Variants in INTS11 observed in about 807,000 individuals in gnomAD.
INTS11 encodes integrator complex subunit 11, also known as CPSF3-like protein.
INTS11 carries 77 observed loss-of-function variants against 78.6 expected under a neutral mutation model. The observed-to-expected ratio is 0.98, with a 90% CI of 0.81 to 1.18. INTS11 has a LOEUF of 1.18. Ranked by LOEUF, INTS11 falls within the 50% of genes most tolerant of loss-of-function variation. The pLI, the probability that INTS11 is intolerant of heterozygous loss-of-function variation, is 0.00. For synonymous variants in INTS11, 441 were observed against 326.9 expected (o/e 1.35, Z -3.77); for missense variants, 875 against 825.9 (o/e 1.06, Z -0.73).
At chr1:1,321,974 C>T (rs1189079152) in intron 1 of INTS11, 3 of 1,380,604 alleles carry the variant, frequency 2.2e-6, no homozygotes, top group Non-Finnish European at 2.8e-6. Context: ...GGGCCACAGC[C>T]GAGGGGCTGC....
chr1:1,313,212 G>T, intron 10 of INTS11, 88 bp from the exon 11 acceptor site: 1 of 1,446,174 alleles, frequency 6.9e-7, no homozygotes, highest in Non-Finnish European at 9.4e-7. Context: ...TGAACCCCTG[G>T]AAGCTGTTTC....
chr1:1,312,213 G>GGGGGGGGGGGGGGCCCCCCCCCCCCCCC lies in INTS11; in HGVS notation c.1607+12_1607+13insGGGGGGGGGGGGGGGCCCCCCCCCCCCC. The GGGGGGGGGGGGGGCCCCCCCCCCCCCCC allele has an allele frequency of 1.1e-6, 1 of 934,604 alleles. No homozygotes were observed. The highest frequency in any genetic ancestry group is 1.6e-6 in the Non-Finnish European group (1 of 636,654). 57.9% of individuals were successfully genotyped at this position (934,604 alleles called of 1,614,324 possible). On this transcript the variant is annotated intron_variant, in intron 15 of 16. Transcript: ENST00000435064. Reference sequence around the variant, plus strand: ...CCCAAGGGAGTGGGGGGGGGGCGGGGCCGGGCGCCCACCTCTTGAGGTGGC... The same window carrying GGGGGGGGGGGGGGCCCCCCCCCCCCCCC: ...CCCAAGGGAGTGGGGGGGGGGCGGGGGGGGGGGGGGGGGCCCCCCCCCCCCCCCCCGGGCGCCCACCTCTTGAGGTGGC...
At chr1:1,319,101 G>A in intron 4 of INTS11, 195 bp downstream of exon 4, 1 of 751,052 alleles carries the variant, frequency 1.3e-6, no homozygotes. Context: ...TCCCGGGTCG[G>A]CGCCCAGTCT....
chr1:1,315,602 T>G lies in INTS11; in HGVS notation c.446A>C (p.Glu149Ala). Residue 149 changes from glutamate (E) to alanine (A), a missense_variant, in exon 5 of 17, where the codon GAG (glutamate) becomes GCG (alanine). Glu to Ala is a moderately radical substitution (Grantham distance 107). Coordinates refer to ENST00000435064, the MANE Select transcript of INTS11 (RefSeq NM_017871.6). ...HQTVQVDDELEIKAYYAGHVL... is the reference protein window; with the variant it reads ...HQTVQVDDELAIKAYYAGHVL... ...GTGGCCTGCATAGTAGGCCTTGATC[T>G]CCAGCTCATCATCTACCTGTGGAGG... The G allele has an allele frequency of 6.2e-7, 1 of 1,606,640 alleles. No individual in the cohort carries two copies. The highest frequency in any genetic ancestry group is 1.1e-5 in the South Asian group (1 of 90,826).
intron 4 of INTS11, chr1:1,316,998 C>T (rs905425385): frequency 6.6e-6 from 1 of 152,066 alleles, no homozygotes; most frequent in African/African-American, 2.4e-5. Flanking sequence ...AATCATGGCT[C>T]ACTCAAACTC....
chr1:1,320,546 G>A lies in INTS11; in HGVS notation c.127-17C>T. ...GAAGCGTCGCTAGGAAGGATGTGGG[G>A]GTTTCAGGTTGCACAGTGGTCTCCA... On this transcript the variant is annotated splice_polypyrimidine_tract_variant and intron_variant, in intron 2 of 16. Coordinates refer to ENST00000435064, the MANE Select transcript of INTS11 (RefSeq NM_017871.6). The A allele has an allele frequency of 6.2e-7, 1 of 1,613,528 alleles. No homozygotes were observed. Among genetic ancestry groups the A allele is most frequent in the Non-Finnish European group, 8.5e-7 (1 of 1,179,714 alleles).
rs115157193 is a variant in INTS11, at chr1:1,320,091, C to T, written c.200+365G>A. 570 of 251,836 alleles carry T rather than the reference C, an allele frequency of 2.3e-3. 2 individuals carry two copies. Among genetic ancestry groups the T allele is most frequent in the African/African-American group, 0.012 (524 of 44,170 alleles). 15.6% of individuals were successfully genotyped at this position (251,836 alleles called of 1,614,324 possible). A position where few individuals can be genotyped will look rare whatever the true frequency, so the allele number is the denominator to read the frequency against. On this transcript the variant is annotated intron_variant, in intron 3 of 16. Coordinates refer to ENST00000435064, the MANE Select transcript of INTS11 (RefSeq NM_017871.6). ...CTGTGGCCGTCCAGACGAGGCCACC[C>T]AGACCAGCGGGTCATGAGCTGCTGA...
At chr1:1,319,013 C>A in intron 4 of INTS11, 1 of 717,424 alleles carries the variant, frequency 1.4e-6, no homozygotes, top group Non-Finnish European at 2.6e-6. Flanking sequence ...GCCTGTCCCA[C>A]TCTGGCCATT....
In INTS11 at chr1:1,313,120, A is replaced by G; in HGVS notation, c.1046T>C (p.Ile349Thr). ...KWAGNEKNMV[I>T]MPGYCVQGTV... Reference sequence around the variant, plus strand: ...GCCCTGCACGCAGTAGCCGGGCATGATGACCTGGGGGCAGGCACAGAGCTC... The same window carrying G: ...GCCCTGCACGCAGTAGCCGGGCATGGTGACCTGGGGGCAGGCACAGAGCTC... The change falls in exon 11 of 17, where the codon ATC becomes ACC. Residue 349 changes from isoleucine (I) to threonine (T), a missense_variant. Transcript: ENST00000435064. 1.2e-6 allele frequency: 2 copies of G among 1,606,592 alleles called. No homozygotes were observed. The highest frequency in any genetic ancestry group is 1.7e-6 in the Non-Finnish European group (2 of 1,179,446).
intron 3 of INTS11, 114 bp downstream of exon 3, chr1:1,320,342 C>T (rs1206627150): frequency 1.0e-6 from 1 of 963,720 alleles, no homozygotes; most frequent in Non-Finnish European, 1.6e-6. Context: ...TAGAAGCCCC[C>T]TGAGGATCAA....
rs1027928761 is a variant in INTS11 at position 1,319,176 on chromosome 1, G to C, written c.429+120C>G. 4 of 911,620 alleles carry C rather than the reference G, an allele frequency of 4.4e-6. No individual in the cohort carries two copies. In the African/African-American group the frequency reaches 4.9e-5, roughly 11 times the overall value. The allele number at this position is 911,620 out of a possible 1,614,324, so 56.5% of individuals were successfully genotyped here. A position where few individuals can be genotyped will look rare whatever the true frequency, so the allele number is the denominator to read the frequency against. On this transcript the variant is annotated intron_variant, in intron 4 of 16. Coordinates refer to ENST00000435064, the MANE Select transcript of INTS11 (RefSeq NM_017871.6). ...TCCCCACGGTGCTGGACGCAAGAGTGAGGTGGGGTGGGCTCACCCTGAGGC... is the reference window on the plus strand; with the variant it reads ...TCCCCACGGTGCTGGACGCAAGAGTCAGGTGGGGTGGGCTCACCCTGAGGC...
At chr1:1,317,523 AG>A in intron 4 of INTS11, 1 of 875,332 alleles carries the variant, frequency 1.1e-6, no homozygotes, top group Non-Finnish European at 1.4e-6. Flanking sequence ...AAAGACAAAC[AG>A]ATGACGGAGT....
chr1:1,312,114 T>A lies in INTS11; in HGVS notation c.1641A>T (p.Pro547=), dbSNP rs12103. ...VLKDHCVQHL[P]DGSVTVESVL... ...CGGACTCCACAGTCACAGAGCCGTC[T>A]GGGAGGTGCTGCACACAGTGGTCCT... is the stretch of plus-strand genomic sequence containing the variant. The change falls in exon 16 of 17, where the codon CCA becomes CCT. Residue 547 remains proline, a synonymous_variant. Transcript: ENST00000435064. 1.3e-6 allele frequency: 2 copies of A among 1,569,104 alleles called. No homozygotes were observed. Among genetic ancestry groups the A allele is most frequent in the South Asian group, 1.2e-5 (1 of 86,882 alleles).
Position 1,314,055 on chromosome 1 carries a change from T to C in INTS11, c.768-134A>G. 1.1e-6 allele frequency: 1 copy of C among 929,374 alleles called. No homozygotes were observed. Among genetic ancestry groups the C allele is most frequent in the Non-Finnish European group, 1.6e-6 (1 of 608,814 alleles). The allele number at this position is 929,374 out of a possible 1,614,324, so 57.6% of individuals were successfully genotyped here. A position where few individuals can be genotyped will look rare whatever the true frequency, so the allele number is the denominator to read the frequency against. On this transcript the variant is annotated intron_variant, in intron 8 of 16. Transcript: ENST00000435064. The surrounding 1 kb of genome is among the most constrained non-coding windows in gnomAD (Gnocchi z 4.2). ...CCAGGTTGAGTCCAGTCGCGACCAC[T>C]TGTCCCATTAAGCCCTGCAGCAGCC...
At position 1,318,769 on chromosome 1, in the gene INTS11, T is replaced by C. The variant is rs144800318; in HGVS notation, c.429+527A>G. The C allele has an allele frequency of 1.0e-3, 546 of 533,486 alleles. 2 individuals carry two copies. Among genetic ancestry groups the C allele is most frequent in the African/African-American group, 9.5e-3 (495 of 52,180 alleles). The allele number at this position is 533,486 out of a possible 1,614,324, so 33.0% of individuals were successfully genotyped here. ...GTACCTAATATAGTTTCAAGAAATA[T>C]AAAAGCAATACCCAGAGATTCGAGT... On this transcript the variant is annotated intron_variant, in intron 4 of 16. Transcript: ENST00000435064.
At position 1,312,713 on chromosome 1, in the gene INTS11, G is replaced by A; in HGVS notation, c.1295-13C>T. 6.3e-7 allele frequency: 1 copy of A among 1,590,202 alleles called. No homozygotes were observed. Among genetic ancestry groups the A allele is most frequent in the South Asian group, 1.1e-5 (1 of 88,678 alleles). On this transcript the variant is annotated splice_polypyrimidine_tract_variant and intron_variant, in intron 12 of 16. Coordinates refer to ENST00000435064, the MANE Select transcript of INTS11 (RefSeq NM_017871.6). ...TAGCAGTTGACCCCTGGACCCCGGG[G>A]GAAGAGAGAGCCTCAGCCCAGGCTG... is the stretch of plus-strand genomic sequence containing the variant.
rs201097701 is a variant in INTS11 at position 1,312,162 on chromosome 1, G to A, written c.1608-15C>T. On this transcript the variant is annotated splice_polypyrimidine_tract_variant and intron_variant, in intron 15 of 16. Coordinates refer to ENST00000435064, the MANE Select transcript of INTS11 (RefSeq NM_017871.6). ...CCTTCAGGACGCTGTGGGGAGGCTC[G>A]GTGAGACCCTGCCTGGCCTCCAGGG... The A allele has an allele frequency of 6.9e-4, 1,033 of 1,493,312 alleles. 13 individuals are homozygous for A. In the East Asian group the frequency reaches 0.036, roughly 52 times the overall value. 92.5% of individuals were successfully genotyped at this position (1,493,312 alleles called of 1,614,324 possible).
rs139925488 is a variant in INTS11 at position 1,321,061 on chromosome 1, G to C, written c.61C>G (p.Leu21Val). 1.2e-6 allele frequency: 2 copies of C among 1,612,792 alleles called. No homozygotes were observed. Among genetic ancestry groups the C allele is most frequent in the East Asian group, 4.5e-5 (2 of 44,884 alleles). ...AGQDVGRSCI[L>V]VSIAGKNVML... Reference sequence around the variant, plus strand: ...ACATTCTTGCCCGCAATGGAGACCAGGATGCAGCTTCGGCCCACGTCCTGG... The same window carrying C: ...ACATTCTTGCCCGCAATGGAGACCACGATGCAGCTTCGGCCCACGTCCTGG... The change falls in exon 2 of 17, where the codon CTG becomes GTG. Residue 21 changes from leucine (L) to valine (V), a missense_variant. Coordinates refer to ENST00000435064, the MANE Select transcript of INTS11 (RefSeq NM_017871.6).
chr1:1,322,960 C>G (rs1268612873), intron 1 of INTS11: 2 of 1,352,632 alleles, frequency 1.5e-6, no homozygotes. Context: ...CATGAAAGAT[C>G]AGAAAGATCA....
Sources: allele counts gnomAD v4.1 joint callset, GRCh38; gene constraint gnomAD v4.1.1; non-coding constraint Gnocchi (gnomAD v3.1); transcripts MANE v1.5; gene names NCBI Gene and HGNC (gene_info 2026-07-23, HGNC 2026-07-21).